The following ADAMTS19 variants were observed in gnomAD, a reference collection of about 807,000 sequenced individuals.
ADAMTS19 encodes the protein ADAM metallopeptidase with thrombospondin type 1 motif 19, also known as A disintegrin and metalloproteinase with thrombospondin motifs 19.
A neutral mutation model predicts 153.3 loss-of-function variants in ADAMTS19; 93 were observed. That is an observed-to-expected ratio of 0.61 (90% CI 0.51 to 0.72). The LOEUF (loss-of-function observed/expected upper bound fraction) is 0.72. ADAMTS19 is among the 30% of genes least tolerant of loss of function. ADAMTS19 has a pLI of 0.00. For missense variants in ADAMTS19, 1,482 were observed against 1,552.1 expected (o/e 0.95, Z 0.76); for synonymous variants, 600 against 556.6 (o/e 1.08, Z -1.10).
intron 16 of ADAMTS19, among the ~76,000 whole-genome samples, chr5:129,678,231 G>A (rs946714956): frequency 1.4e-4 from 22 of 152,072 alleles, no homozygotes; most frequent in Non-Finnish European, 4.4e-5. Context: ...ATGCACATGG[G>A]TCTCCTGGTC....
chr5:129,639,076 A>C (rs966904907), intron 10 of ADAMTS19, among the ~76,000 whole-genome samples: 6 of 152,182 alleles, frequency 3.9e-5, no homozygotes, highest in African/African-American at 1.2e-4. Context: ...TGGGTTTTGC[A>C]TCTCTGTTGT....
chr5:129,591,439 T>C (rs1024146373), intron 7 of ADAMTS19, among the ~76,000 whole-genome samples: 4 of 151,870 alleles, frequency 2.6e-5, no homozygotes, highest in African/African-American at 7.3e-5. Flanking sequence ...ACTACAGGCA[T>C]GCACCACCAC....
intron 10 of ADAMTS19, among the ~76,000 whole-genome samples, chr5:129,624,826 A>C (rs1350095060): frequency 1.3e-5 from 2 of 152,076 alleles, no homozygotes; most frequent in Admixed American, 6.6e-5. Context: ...TTATGATGTA[A>C]TTTGACACTT....
At chr5:129,514,497 G>T (rs964728910) in intron 3 of ADAMTS19, among the ~76,000 whole-genome samples, 1 of 152,138 alleles carries the variant, frequency 6.6e-6, no homozygotes, top group African/African-American at 2.4e-5. Flanking sequence ...GGGGTGAGAT[G>T]ATATCTCATT....
intron 7 of ADAMTS19, among the ~76,000 whole-genome samples, chr5:129,573,184 A>C (rs1322434077): frequency 6.6e-6 from 1 of 152,002 alleles, no homozygotes; most frequent in African/African-American, 2.4e-5. Context: ...CTTTTAATTG[A>C]CATTAACATA....
intron 7 of ADAMTS19, among the ~76,000 whole-genome samples, chr5:129,574,298 T>C (rs1439692566): frequency 1.3e-5 from 2 of 152,106 alleles, no homozygotes; most frequent in Non-Finnish European, 2.9e-5. Flanking sequence ...TTTTTTTCTT[T>C]ATTTCTTCTA....
chr5:129,633,588 C>T (rs2127005287), intron 10 of ADAMTS19, among the ~76,000 whole-genome samples: 1 of 152,200 alleles, frequency 6.6e-6, no homozygotes, highest in Admixed American at 6.6e-5. Context: ...ACCACCTGGC[C>T]AAGAAGCCTA....
intron 15 of ADAMTS19, among the ~76,000 whole-genome samples, chr5:129,663,050 A>C (rs1753886050): frequency 6.6e-6 from 1 of 151,896 alleles, no homozygotes; most frequent in Non-Finnish European, 1.5e-5. Context: ...ATGTGCCACT[A>C]TACCCAGCTA....
chr5:129,467,999 A>G (rs1025649787), intron 2 of ADAMTS19, among the ~76,000 whole-genome samples: 2 of 152,240 alleles, frequency 1.3e-5, no homozygotes, highest in Admixed American at 1.3e-4. Flanking sequence ...GTGTAAAGAG[A>G]TTCCCCTTTT....
At position 129,526,455 on chromosome 5, in the gene ADAMTS19, T is replaced by C. The variant is rs775036399; in HGVS notation, c.1085T>C (p.Met362Thr). 3 of 1,587,912 alleles carry C rather than the reference T, an allele frequency of 1.9e-6. No individual in the cohort carries two copies. Among genetic ancestry groups the C allele is most frequent in the Admixed American group, 3.7e-5 (2 of 53,770 alleles). ...AGATTCATTCTAACCATCTTAAATA[T>C]GGTAGGCAAACTTTAAAGTGCGCTT... ...ARRFILTILN[M>T]VFNLFQHKSL... The change falls in exon 4 of 23, where the codon ATG (methionine) becomes ACG (threonine). Residue 362 changes from methionine (M) to threonine (T), a missense_variant and splice_region_variant. By Grantham distance (81) the Met-to-Thr change is moderately conservative (BLOSUM62 -1). Coordinates refer to ENST00000274487, the MANE Select transcript of ADAMTS19 (RefSeq NM_133638.6).
At chr5:129,512,297 G>C (rs1751464022) in intron 3 of ADAMTS19, among the ~76,000 whole-genome samples, 2 of 152,012 alleles carry the variant, frequency 1.3e-5, no homozygotes, top group South Asian at 2.1e-4. Flanking sequence ...CCAACCATAA[G>C]TATTGTGGAG....
intron 16 of ADAMTS19, among the ~76,000 whole-genome samples, chr5:129,667,556 C>T (rs140444367): frequency 9.9e-5 from 15 of 152,104 alleles, no homozygotes; most frequent in Admixed American, 6.5e-4. Flanking sequence ...AGTGATTTCA[C>T]GTGAGATCTG....
chr5:129,530,227 T>A (rs1398679854), intron 6 of ADAMTS19, among the ~76,000 whole-genome samples: 5 of 152,146 alleles, frequency 3.3e-5, no homozygotes, highest in Non-Finnish European at 4.4e-5. Context: ...CAGGGAAGAA[T>A]TAGTCAATAG....
Position 129,528,692 on chromosome 5 carries a change from G to T in ADAMTS19, c.1328+15G>T. The stretch of plus-strand genomic sequence containing the variant: ...CTTATAACAAGGTAAATTTTCCAAT[G>T]CCAATTAAATGGCATTCCTAATTCA... On this transcript the variant is annotated intron_variant, in intron 6 of 22. Coordinates refer to ENST00000274487, the MANE Select transcript of ADAMTS19 (RefSeq NM_133638.6). The T allele has an allele frequency of 1.3e-6, 2 of 1,575,586 alleles. No individual in the cohort carries two copies. Among genetic ancestry groups the T allele is most frequent in the East Asian group, 2.4e-5 (1 of 41,672 alleles).
intron 2 of ADAMTS19, among the ~76,000 whole-genome samples, chr5:129,484,597 G>A (rs560338172): frequency 4.6e-5 from 7 of 152,058 alleles, no homozygotes; most frequent in Non-Finnish European, 7.4e-5. Flanking sequence ...TTTAGCCTAC[G>A]GTTTAAACTG....
At chr5:129,468,554 G>A (rs1245486319) in intron 2 of ADAMTS19, among the ~76,000 whole-genome samples, 1 of 151,544 alleles carries the variant, frequency 6.6e-6, no homozygotes, top group Non-Finnish European at 1.5e-5. Flanking sequence ...GGGTTTCACC[G>A]TGTTGCCCAG....
chr5:129,695,411 A>G (rs749189073), intron 19 of ADAMTS19, among the ~76,000 whole-genome samples: 3 of 151,992 alleles, frequency 2.0e-5, no homozygotes, highest in Non-Finnish European at 4.4e-5. Flanking sequence ...TTCCTCTGAC[A>G]CCCCCCAATG....
rs139280755 is a variant in ADAMTS19 at position 129,675,763 on chromosome 5, A to C, written c.2507-4001A>C. Among the ~76,000 whole-genome samples, 1,484 of 152,292 alleles carry C rather than the reference A, an allele frequency of 9.7e-3. 15 individuals are homozygous for C. Among genetic ancestry groups the C allele is most frequent in the Non-Finnish European group, 0.014 (966 of 68,010 alleles). On this transcript the variant is annotated intron_variant, in intron 16 of 22. Coordinates refer to ENST00000274487, the MANE Select transcript of ADAMTS19 (RefSeq NM_133638.6). ...TCAAAAGTCTTGGTCAGCTGGGCAC[A>C]GTGGCTCACACCTGTAATCCCAGCC...
intron 13 of ADAMTS19, among the ~76,000 whole-genome samples, chr5:129,649,790 G>T (rs30674): frequency 0.16 from 24,997 of 152,048 alleles, 2,300 homozygotes; most frequent in East Asian, 0.3. Context: ...ATGAAAGGTA[G>T]GTGGGAACTC....
Sources: allele counts gnomAD v4.1 joint callset (sites outside exome capture counted in the v4.1 genomes callset), GRCh38; gene constraint gnomAD v4.1.1; transcripts MANE v1.5; gene names NCBI Gene and HGNC (gene_info 2026-07-23, HGNC 2026-07-21).